Variants in TSPOAP1 observed in about 807,000 individuals in gnomAD.
TSPOAP1 encodes the protein TSPO associated protein 1.
Under a neutral mutation model 197.0 loss-of-function variants are expected in TSPOAP1, and 87 were observed. The ratio of observed to expected loss-of-function variants is 0.44; its 90% CI spans 0.37 to 0.53. The LOEUF is 0.53. Among genes scored for constraint, TSPOAP1 ranks in the 20% least tolerant of loss-of-function variants. TSPOAP1 has a pLI of 0.00. For synonymous variants in TSPOAP1, 913 were observed against 998.9 expected (o/e 0.91, Z 1.62); for missense variants, 2,174 against 2,411.3 (o/e 0.90, Z 2.06).
chr17:58,316,358 A>C lies in TSPOAP1; in HGVS notation c.1988+67T>G, dbSNP rs1598069644. 6.3e-6 allele frequency: 9 copies of C among 1,432,200 alleles called. No homozygotes were observed. The South Asian group carries it at 1.0e-4, about 16-fold the overall frequency. The allele number at this position is 1,432,200 out of a possible 1,614,324, so 88.7% of individuals were successfully genotyped here. A position where few individuals can be genotyped will look rare whatever the true frequency, so the allele number is the denominator to read the frequency against. On this transcript the variant is annotated intron_variant, in intron 15 of 31. Transcript: ENST00000343736. Reference sequence around the variant, plus strand: ...ACCACTTCCAGAGGTCTCCAGCTCCACCCGGCCCCCTCCTATACCCCAAAT... The same window carrying C: ...ACCACTTCCAGAGGTCTCCAGCTCCCCCCGGCCCCCTCCTATACCCCAAAT...
In TSPOAP1 at chr17:58,326,179, C is replaced by A; in HGVS notation, c.570+114G>T. 1 of 1,497,288 alleles carries A rather than the reference C, an allele frequency of 6.7e-7. No individual in the cohort carries two copies. 92.8% of individuals were successfully genotyped at this position (1,497,288 alleles called of 1,614,324 possible). ...ACCTTAGCCCCTAGATTCTTGCTTT[C>A]CTAGGTGCTGAGCTGAGACCGTGAC... On this transcript the variant is annotated intron_variant, in intron 3 of 31. Coordinates refer to ENST00000343736, the MANE Select transcript of TSPOAP1 (RefSeq NM_004758.4). This position sits in a 1 kb window ranked among gnomAD's most constrained non-coding sequence, Gnocchi z 4.7.
chr17:58,312,705 G>T lies in TSPOAP1; in HGVS notation c.2116C>A (p.Arg706=). ...GFFEGELMDG[R]RGLVPSNFVE... is the part of the protein sequence containing the mutation. ...AAATTGGAAGGGACCAGGCCCCTTC[G>T]GCCATCCATGAGCTCTCCTGGCAGG... is the stretch of plus-strand genomic sequence containing the variant. Residue 706 remains arginine (R), a synonymous_variant, in exon 17 of 32, where the codon CGA becomes AGA. Transcript: ENST00000343736. 2.5e-6 allele frequency: 4 copies of T among 1,613,172 alleles called. No individual in the cohort carries two copies. The highest frequency in any genetic ancestry group is 2.5e-6 in the Non-Finnish European group (3 of 1,179,894).
rs1302107485 is a variant in TSPOAP1 at position 58,326,447 on chromosome 17, G to A, written c.442-26C>T. ...CTGACAAGGGGTCAGGCAGAATTGG[G>A]GCATGTAGGGAGCACCCCACAGACC... On this transcript the variant is annotated intron_variant, in intron 2 of 31. Transcript: ENST00000343736. The surrounding 1 kb of genome is among the most constrained non-coding windows in gnomAD (Gnocchi z 4.7). 1 of 1,611,868 alleles carries A rather than the reference G, an allele frequency of 6.2e-7. No homozygotes were observed. The highest frequency in any genetic ancestry group is 1.7e-5 in the Admixed American group (1 of 59,904).
At position 58,322,424 on chromosome 17, in the gene TSPOAP1, G is replaced by C. The variant is rs771606289; in HGVS notation, c.1318-12C>G. 2 of 1,605,260 alleles carry C rather than the reference G, an allele frequency of 1.2e-6. No homozygotes were observed. The highest frequency in any genetic ancestry group is 1.7e-6 in the Non-Finnish European group (2 of 1,179,792). On this transcript the variant is annotated splice_polypyrimidine_tract_variant and intron_variant, in intron 9 of 31. Coordinates refer to ENST00000343736, the MANE Select transcript of TSPOAP1 (RefSeq NM_004758.4). This position sits in a 1 kb window ranked among gnomAD's most constrained non-coding sequence, Gnocchi z 5.0. ...ACCTCCCGCATGTGCTGAAACACAA[G>C]ATCTGAGTCAAGGCCAGAGCCCCTA...
rs749515421 is a variant in TSPOAP1, at chr17:58,322,795, C to T, written c.1195-19G>A. On this transcript the variant is annotated intron_variant, in intron 8 of 31. Transcript: ENST00000343736. This position sits in a 1 kb window ranked among gnomAD's most constrained non-coding sequence, Gnocchi z 5.0. ...ACTCCACCTGGCGAGGGGGCAGTGA[C>T]AGGGAGTTGGGTGGGTGAGCCTTGA... 6.2e-7 allele frequency: 1 copy of T among 1,612,128 alleles called. No individual in the cohort carries two copies. Among genetic ancestry groups the T allele is most frequent in the South Asian group, 1.1e-5 (1 of 91,044 alleles).
chr17:58,308,477 C>A, intron 22 of TSPOAP1, 64 bp downstream of exon 22: 1 of 1,486,898 alleles, frequency 6.7e-7, no homozygotes. Context: ...TGCTGGTGGG[C>A]AGCAAGCAGG....
chr17:58,327,475 G>A, intron 1 of TSPOAP1, 113 bp downstream of exon 1: 1 of 1,072,610 alleles, frequency 9.3e-7, no homozygotes, highest in Non-Finnish European at 1.4e-6. Flanking sequence ...GACAGGCCAA[G>A]AGAGGACAGG....
intron 16 of TSPOAP1, among the ~76,000 whole-genome samples, 193 bp downstream of exon 16, chr17:58,315,829 TC>T (rs1440700379): frequency 1.3e-5 from 2 of 152,026 alleles, no homozygotes; most frequent in African/African-American, 4.8e-5. Flanking sequence ...GGCTACTAGG[TC>T]TCTGTATGCC....
chr17:58,317,003 G>A (rs1231570619), intron 14 of TSPOAP1, among the ~76,000 whole-genome samples: 4 of 152,142 alleles, frequency 2.6e-5, no homozygotes, highest in African/African-American at 9.7e-5. Flanking sequence ...TGAGACCAGC[G>A]TGAGAAGCAT....
At position 58,312,178 on chromosome 17, in the gene TSPOAP1, G is replaced by A. The variant is rs372428780; in HGVS notation, c.2643C>T (p.Ala881=). 3.8e-5 allele frequency: 62 copies of A among 1,612,812 alleles called. No individual in the cohort carries two copies. The highest frequency in any genetic ancestry group is 1.6e-4 in the Middle Eastern group (1 of 6,084). Residue 881 remains alanine (A), a synonymous_variant, in exon 17 of 32, where the codon GCC becomes GCT. Coordinates refer to ENST00000343736, the MANE Select transcript of TSPOAP1 (RefSeq NM_004758.4). The part of the protein sequence containing the change: ...LRCCLAVGAR[A]GVVPSQLRVH... ...CCCGCAGCTGGCTGGGCACCACTCC[G>A]GCCCGGGCACCCACCGCCAAGCAAC...
In TSPOAP1 at chr17:58,302,444, A is replaced by G; in HGVS notation, c.*36T>C. The G allele has an allele frequency of 8.1e-7, 1 of 1,233,540 alleles. No homozygotes were observed. The highest frequency in any genetic ancestry group is 1.0e-6 in the Non-Finnish European group (1 of 965,544). The allele number at this position is 1,233,540 out of a possible 1,614,324, so 76.4% of individuals were successfully genotyped here. Reference sequence around the variant, plus strand: ...GGGGACCCTTGTGTGGTGCAGCCCCAGTCCTGAAATGTGAGACAGAAGGAG... The same window carrying G: ...GGGGACCCTTGTGTGGTGCAGCCCCGGTCCTGAAATGTGAGACAGAAGGAG... On this transcript the variant is annotated 3_prime_UTR_variant, in exon 32 of 32. Coordinates refer to ENST00000343736, the MANE Select transcript of TSPOAP1 (RefSeq NM_004758.4).
In TSPOAP1 at chr17:58,305,561, A is replaced by G. The variant is rs1970857576; in HGVS notation, c.5340T>C (p.Ser1780=). The change falls in exon 28 of 32, where the codon AGT becomes AGC. Residue 1780 remains serine, a synonymous_variant. Transcript: ENST00000343736. ...VAAFDYNPQE[S]SPNMDVEAEL... ...TCACCTCCACGTCCATATTGGGGGA[A>G]CTCTCCTGGGGGTTGTAGTCAAATG... 5 of 1,598,412 alleles carry G rather than the reference A, an allele frequency of 3.1e-6. No homozygotes were observed. The highest frequency in any genetic ancestry group is 1.7e-5 in the Admixed American group (1 of 57,460).
chr17:58,316,007 C>T lies in TSPOAP1; in HGVS notation c.2098+16G>A. On this transcript the variant is annotated intron_variant, in intron 16 of 31. Coordinates refer to ENST00000343736, the MANE Select transcript of TSPOAP1 (RefSeq NM_004758.4). ...GGCAGGGGAATGGACAGAATGACCC[C>T]CCACTACATTCCTACCTTCAAAAAA... The T allele has an allele frequency of 6.3e-7, 1 of 1,588,390 alleles. No homozygotes were observed. The highest frequency in any genetic ancestry group is 8.6e-7 in the Non-Finnish European group (1 of 1,156,774).
At chr17:58,323,199 A>G in intron 7 of TSPOAP1, 99 bp downstream of exon 7, 7 of 1,497,798 alleles carry the variant, frequency 4.7e-6, no homozygotes, top group Non-Finnish European at 3.7e-6. Context: ...TGTGTTCTTG[A>G]GGGCAGCAGG....
intron 20 of TSPOAP1, 142 bp downstream of exon 20, chr17:58,310,368 AAC>A: frequency 7.6e-7 from 1 of 1,320,856 alleles, no homozygotes; most frequent in South Asian, 1.5e-5. Context: ...CTAGAAGAAA[AAC>A]AGACACATAG....
rs528672809 is a variant in TSPOAP1, at chr17:58,312,403, G to A, written c.2418C>T (p.Ser806=). 5.0e-6 allele frequency: 8 copies of A among 1,612,730 alleles called. No homozygotes were observed. The highest frequency in any genetic ancestry group is 2.2e-5 in the East Asian group (1 of 44,874). The change falls in exon 17 of 32, where the codon AGC becomes AGT. Residue 806 remains serine (S), a synonymous_variant. Coordinates refer to ENST00000343736, the MANE Select transcript of TSPOAP1 (RefSeq NM_004758.4). ...RLVVLKQLAH[S]VVLAWEPPPE... is the part of the protein sequence containing the mutation. ...GAGGCGGCTCCCAGGCCAGCACCAC[G>A]CTGTGGGCCAGCTGCTTGAGGACCA...
At chr17:58,314,448 T>G (rs1238360491) in intron 16 of TSPOAP1, among the ~76,000 whole-genome samples, 1 of 152,124 alleles carries the variant, frequency 6.6e-6, no homozygotes, top group East Asian at 1.9e-4. Context: ...ACAAGTGTTT[T>G]TATAAGAGAC....
Position 58,304,715 on chromosome 17 carries a change from G to A in TSPOAP1, c.5545-316C>T. The A allele has an allele frequency of 3.5e-6, 2 of 568,104 alleles. No homozygotes were observed. Among genetic ancestry groups the A allele is most frequent in the Non-Finnish European group, 6.4e-6 (2 of 314,630 alleles). 35.2% of individuals were successfully genotyped at this position (568,104 alleles called of 1,614,324 possible). A position where few individuals can be genotyped will look rare whatever the true frequency, so the allele number is the denominator to read the frequency against. ...GAGGTATGGAGACCACCCCCAGGGTGGGAGTGTCCTGAAACAGGGACTTTG... is the reference window on the plus strand; with the variant it reads ...GAGGTATGGAGACCACCCCCAGGGTAGGAGTGTCCTGAAACAGGGACTTTG... On this transcript the variant is annotated intron_variant, in intron 30 of 31. Transcript: ENST00000343736. This position sits in a 1 kb window ranked among gnomAD's most constrained non-coding sequence, Gnocchi z 4.2.
rs140311459 is a variant in TSPOAP1 at position 58,309,952 on chromosome 17, T to A, written c.3891+15A>T. 4,053 of 1,601,318 alleles carry A rather than the reference T, an allele frequency of 2.5e-3. 151 individuals carry two copies. In the Admixed American group the frequency reaches 0.055, roughly 22 times the overall value. On this transcript the variant is annotated intron_variant, in intron 21 of 31. Transcript: ENST00000343736. This position sits in a 1 kb window ranked among gnomAD's most constrained non-coding sequence, Gnocchi z 5.0. ...TTGAGGCCTGGGGCCCAACAGCCCA[T>A]CCCTACCCCGTTACCTTGGCCCCAT...
Sources: gnomAD v4.1 joint callset for allele counts (sites outside exome capture counted in the v4.1 genomes callset) on GRCh38, gnomAD v4.1.1 for gene constraint, Gnocchi (gnomAD v3.1) non-coding constraint, MANE v1.5 for transcripts, NCBI Gene and HGNC (gene_info 2026-07-23, HGNC 2026-07-21) for gene names.